Variants in SIPA1L3 observed in about 807,000 individuals in gnomAD.
SIPA1L3 encodes signal induced proliferation associated 1 like 3, also known as signal-induced proliferation-associated 1-like protein 3.
A neutral mutation model predicts 150.1 loss-of-function variants in SIPA1L3; 59 were observed. The observed-to-expected ratio is 0.39, with a 90% CI of 0.32 to 0.49. The LOEUF is 0.49. Among genes scored for constraint, SIPA1L3 ranks in the 20% least tolerant of loss-of-function variants. The pLI, the probability that SIPA1L3 is intolerant of heterozygous loss-of-function variation, is 0.86. For synonymous variants in SIPA1L3, 1,070 were observed against 1,077.6 expected, an observed-to-expected ratio of 0.99 and a Z score of 0.14; for missense variants, 2,211 against 2,489.5, an observed-to-expected ratio of 0.89 and a Z score of 2.38.
intron 1 of SIPA1L3, among the ~76,000 whole-genome samples, chr19:37,988,416 C>G (rs2145630185): frequency 6.6e-6 from 1 of 152,272 alleles, no homozygotes; most frequent in Non-Finnish European, 1.5e-5. Context: ...TGGCTCATGC[C>G]TGTAATCCCA....
In SIPA1L3 at chr19:37,936,567, G is replaced by A. The variant is rs149453357; in HGVS notation, c.-379+29209G>A. Among the ~76,000 whole-genome samples the A allele has an allele frequency of 1.3e-3, 195 of 152,330 alleles. 1 individual carries two copies. The highest frequency in any genetic ancestry group is 4.5e-3 in the African/African-American group (188 of 41,570). Reference sequence around the variant, plus strand: ...AGGGCTTACCTTGTGTAGAGGAACTGTTACGAATACTTTTCATAAGCCAAC... The same window carrying A: ...AGGGCTTACCTTGTGTAGAGGAACTATTACGAATACTTTTCATAAGCCAAC... On this transcript the variant is annotated intron_variant, in intron 1 of 21. Transcript: ENST00000222345.
intron 1 of SIPA1L3, among the ~76,000 whole-genome samples, chr19:37,928,732 G>A (rs1448041190): frequency 6.6e-6 from 1 of 152,214 alleles, no homozygotes; most frequent in African/African-American, 2.4e-5. Context: ...CCTGGTCCAG[G>A]AAGCACGTTT....
At position 38,160,637 on chromosome 19, in the gene SIPA1L3, C is replaced by T. The variant is rs367651709; in HGVS notation, c.3662-1616C>T. 1.3e-4 allele frequency among the ~76,000 whole-genome samples: 19 copies of T among 149,190 alleles called. No individual in the cohort carries two copies. The East Asian group carries it at 1.9e-3, about 15-fold the overall frequency. ...ACAGGATGGTCTCAACTCTTGACCTCGTGCTCTGCCCGCCTCGGCCTCCCA... is the reference window on the plus strand; with the variant it reads ...ACAGGATGGTCTCAACTCTTGACCTTGTGCTCTGCCCGCCTCGGCCTCCCA... On this transcript the variant is annotated intron_variant, in intron 13 of 21. Coordinates refer to ENST00000222345, the MANE Select transcript of SIPA1L3 (RefSeq NM_015073.3).
chr19:38,042,455 TA>T (rs1968948450), intron 2 of SIPA1L3, among the ~76,000 whole-genome samples: 1 of 152,218 alleles, frequency 6.6e-6, no homozygotes, highest in African/African-American at 2.4e-5. Flanking sequence ...ATATAAATTT[TA>T]AGATTGCTTA....
At chr19:37,986,885 G>A (rs992370193) in intron 1 of SIPA1L3, among the ~76,000 whole-genome samples, 1 of 152,106 alleles carries the variant, frequency 6.6e-6, no homozygotes, top group East Asian at 1.9e-4. Flanking sequence ...TAAAATGCAG[G>A]TTCTCATTCA....
At chr19:38,096,954 C>G (rs1220911014) in intron 4 of SIPA1L3, among the ~76,000 whole-genome samples, 2 of 152,180 alleles carry the variant, frequency 1.3e-5, no homozygotes, top group African/African-American at 4.8e-5. Flanking sequence ...AGTTCTGGTG[C>G]TCATCAACAG....
At chr19:38,197,089 TCA>T (rs1192414020) in intron 18 of SIPA1L3, among the ~76,000 whole-genome samples, 1 of 152,096 alleles carries the variant, frequency 6.6e-6, no homozygotes, top group Non-Finnish European at 1.5e-5. Flanking sequence ...CGCTCGGGTC[TCA>T]GTTTTCCTCT....
chr19:38,079,267 A>T (rs961893736), intron 2 of SIPA1L3, among the ~76,000 whole-genome samples: 5 of 152,170 alleles, frequency 3.3e-5, no homozygotes, highest in Non-Finnish European at 7.4e-5. Flanking sequence ...CAGGAGGCGG[A>T]GCTTGCAGTG....
chr19:37,984,458 A>G (rs1437272528), intron 1 of SIPA1L3, among the ~76,000 whole-genome samples: 15 of 152,166 alleles, frequency 9.9e-5, no homozygotes, highest in Admixed American at 9.2e-4. Context: ...AGTGCCAAGC[A>G]GAGACTGGAT....
chr19:38,102,592 GAAAAAAAAAA>G (rs71179412), intron 6 of SIPA1L3, among the ~76,000 whole-genome samples: 1 of 66,880 alleles, frequency 1.5e-5, no homozygotes, highest in African/African-American at 5.3e-5. Context: ...CCCTGTCTCT[GAAAAAAAAAA>G]AAAAAAAAAA....
intron 2 of SIPA1L3, among the ~76,000 whole-genome samples, chr19:38,059,311 A>ATTTTTTTTTTTT (rs35717284): frequency 4.4e-5 from 5 of 113,930 alleles, no homozygotes; most frequent in African/African-American, 1.7e-4. Context: ...AACAGCTGAG[A>ATTTTTTTTTTTT]TTTTTTTTTT....
chr19:38,206,166 G>T lies in SIPA1L3; in HGVS notation c.5272G>T (p.Glu1758Ter). The change falls in exon 22 of 22, where the codon GAG becomes TAG. Residue 1758 changes from glutamate to a stop codon, truncating the protein, a stop_gained. Coordinates refer to ENST00000222345, the MANE Select transcript of SIPA1L3 (RefSeq NM_015073.3). LOFTEE classifies it high-confidence loss of function. ...GCGGCAGAACAACCAGCGGCTGCAG[G>T]AGGAGTCGCAGGCCGCCAGCGAGCA... is the stretch of plus-strand genomic sequence containing the variant. ...SLRQNNQRLQEESQAASEQLR... is the reference protein window; with the variant it reads ...SLRQNNQRLQ 1 of 1,552,642 alleles carries T rather than the reference G, an allele frequency of 6.4e-7. No individual in the cohort carries two copies. Among genetic ancestry groups the T allele is most frequent in the Non-Finnish European group, 8.7e-7 (1 of 1,147,732 alleles).
rs754127177 is a variant in SIPA1L3, at chr19:38,182,579, T to C, written c.4269T>C (p.Thr1423=). Residue 1423 remains threonine, a synonymous_variant, in exon 16 of 22, where the codon ACT becomes ACC. Transcript: ENST00000222345. ...TTTACAAAACTGCCAGTGCAGAGAC[T>C]CCTCGGCCCTCCCAGCTGGCCCAGC... ...AQVYKTASAE[T]PRPSQLAQPS... is the part of the protein sequence containing the mutation. 1 of 1,614,140 alleles carries C rather than the reference T, an allele frequency of 6.2e-7. No homozygotes were observed. Among genetic ancestry groups the C allele is most frequent in the Admixed American group, 1.7e-5 (1 of 60,016 alleles).
At chr19:38,134,231 G>T (rs1479448233) in intron 10 of SIPA1L3, among the ~76,000 whole-genome samples, 1 of 150,388 alleles carries the variant, frequency 6.6e-6, no homozygotes, top group South Asian at 2.1e-4. Flanking sequence ...TGATCTGCCC[G>T]CCTCGACCTC....
chr19:37,915,702 C>G (rs965218037), intron 1 of SIPA1L3, among the ~76,000 whole-genome samples: 3 of 152,140 alleles, frequency 2.0e-5, no homozygotes, highest in African/African-American at 7.2e-5. Flanking sequence ...TTTAAGCACA[C>G]TAGCCATGTG....
At chr19:37,915,885 G>A (rs934523037) in intron 1 of SIPA1L3, among the ~76,000 whole-genome samples, 4 of 152,058 alleles carry the variant, frequency 2.6e-5, no homozygotes, top group Non-Finnish European at 4.4e-5. Context: ...AGTAGTGGGT[G>A]CTTTTAAGAC....
At chr19:38,180,858 C>G (rs572693306) in intron 15 of SIPA1L3, among the ~76,000 whole-genome samples, 3 of 152,130 alleles carry the variant, frequency 2.0e-5, no homozygotes, top group South Asian at 4.2e-4. Flanking sequence ...ATTTAACTTT[C>G]AACTCCTTTT....
At chr19:37,970,454 G>A (rs1368897693) in intron 1 of SIPA1L3, among the ~76,000 whole-genome samples, 2 of 152,220 alleles carry the variant, frequency 1.3e-5, no homozygotes, top group African/African-American at 4.8e-5. Context: ...CCTCTAAGGA[G>A]CTCTCCCATG....
intron 1 of SIPA1L3, among the ~76,000 whole-genome samples, chr19:37,925,761 T>C (rs1051168849): frequency 6.6e-6 from 1 of 151,936 alleles, no homozygotes; most frequent in African/African-American, 2.4e-5. Flanking sequence ...GCCCAGCTAA[T>C]TTTTGTATTT....
Sources: gnomAD v4.1 joint callset for allele counts (sites outside exome capture counted in the v4.1 genomes callset) on GRCh38, gnomAD v4.1.1 for gene constraint, MANE v1.5 for transcripts, NCBI Gene and HGNC (gene_info 2026-07-23, HGNC 2026-07-21) for gene names.